CPXM2: variants seen among roughly 807,000 people sequenced by gnomAD.
The protein encoded by CPXM2 is carboxypeptidase X, M14 family member 2, also known as inactive carboxypeptidase-like protein X2.
CPXM2 carries 66 observed loss-of-function variants against 86.1 expected under a neutral mutation model. The ratio of observed to expected loss-of-function variants is 0.77; its 90% CI spans 0.63 to 0.94. The LOEUF is 0.94. Ranked by LOEUF, CPXM2 falls within the 40% of genes least tolerant of loss-of-function variation. CPXM2 has a pLI of 0.00. For synonymous variants in CPXM2, 388 were observed against 400.2 expected (o/e 0.97, Z 0.36); for missense variants, 948 against 1,026.3 (o/e 0.92, Z 1.04).
upstream of CPXM2, among the ~76,000 whole-genome samples, chr10:123,940,968 G>C: frequency 6.6e-6 from 1 of 152,100 alleles, no homozygotes; most frequent in East Asian, 1.9e-4. Context: ...TCAGGAGATC[G>C]AGACCATCCT....
At chr10:123,840,782 G>C (rs1848370662) in intron 4 of CPXM2, among the ~76,000 whole-genome samples, 1 of 152,190 alleles carries the variant, frequency 6.6e-6, no homozygotes, top group Non-Finnish European at 1.5e-5. Context: ...GTCACTGCCT[G>C]ACAATTGTCA....
chr10:123,887,004 C>T (rs1386498987), intron 1 of CPXM2: 1 of 152,158 alleles, frequency 6.6e-6, no homozygotes, highest in East Asian at 1.9e-4. Context: ...AAACTGAGGA[C>T]CTGAGATTCA....
chr10:123,752,317 A>G, intron 13 of CPXM2: 1 of 984,900 alleles, frequency 1.0e-6, no homozygotes, highest in Non-Finnish European at 1.2e-6. Context: ...ATTCAGTGTG[A>G]AGCCTCATGG....
intron 7 of CPXM2, among the ~76,000 whole-genome samples, chr10:123,779,753 T>C (rs1293380777): frequency 6.6e-6 from 1 of 152,176 alleles, no homozygotes; most frequent in Non-Finnish European, 1.5e-5. Flanking sequence ...TCTAGAGTTA[T>C]TAGGAGGACT....
chr10:123,940,764 C>T (rs575562244), upstream of CPXM2, among the ~76,000 whole-genome samples: 11 of 152,312 alleles, frequency 7.2e-5, no homozygotes, highest in African/African-American at 2.4e-4. Context: ...CGGTGGGGCC[C>T]TCAAAGCCAC....
At chr10:123,792,537 G>A (rs1181328704) in intron 6 of CPXM2, among the ~76,000 whole-genome samples, 2 of 152,138 alleles carry the variant, frequency 1.3e-5, no homozygotes, top group African/African-American at 2.4e-5. Context: ...AGGAAGCCAG[G>A]GGACAGCAGA....
intron 7 of CPXM2, among the ~76,000 whole-genome samples, chr10:123,776,391 C>T (rs1309494525): frequency 2.6e-5 from 4 of 152,228 alleles, no homozygotes; most frequent in East Asian, 1.9e-4. Flanking sequence ...TCTACTGAAT[C>T]CCAGGCTCTG....
intron 2 of CPXM2, among the ~76,000 whole-genome samples, chr10:123,929,060 A>G (rs926129370): frequency 2.6e-5 from 4 of 152,190 alleles, no homozygotes; most frequent in Non-Finnish European, 5.9e-5. Flanking sequence ...AGGACAGGGA[A>G]TCCTGGAGAA....
chr10:123,926,017 TAGA>T (rs1945619465), intron 2 of CPXM2, among the ~76,000 whole-genome samples: 2 of 152,256 alleles, frequency 1.3e-5, no homozygotes, highest in African/African-American at 4.8e-5. Context: ...ATCTCAGGGC[TAGA>T]AGGACTTCCA....
At chr10:123,802,209 C>T (rs1160632221) in intron 4 of CPXM2, among the ~76,000 whole-genome samples, 2 of 152,158 alleles carry the variant, frequency 1.3e-5, no homozygotes, top group East Asian at 1.9e-4. Context: ...TCTTGAAGTT[C>T]GCCAAGGGTG....
chr10:123,891,789 G>A lies in CPXM2; in HGVS notation c.-130C>T, dbSNP rs993942222. ...GCGGCGCGCTTGGGCGCGGGAGGCG[G>A]CCGGCTGGCTGCGCGTGTGACCGGC... is the stretch of plus-strand genomic sequence containing the variant. On this transcript the variant is annotated 5_prime_UTR_variant, in exon 1 of 14. Coordinates refer to ENST00000241305, the MANE Select transcript of CPXM2 (RefSeq NM_198148.3). This position sits in a 1 kb window ranked among gnomAD's most constrained non-coding sequence, Gnocchi z 5.6. 20 of 523,096 alleles carry A rather than the reference G, an allele frequency of 3.8e-5. No homozygotes were observed. Among genetic ancestry groups the A allele is most frequent in the African/African-American group, 2.0e-4 (10 of 48,904 alleles). 32.4% of individuals were successfully genotyped at this position (523,096 alleles called of 1,614,324 possible).
chr10:123,752,210 T>A (rs944547407), intron 13 of CPXM2: 1 of 985,276 alleles, frequency 1.0e-6, no homozygotes, highest in Non-Finnish European at 1.2e-6. Flanking sequence ...ATTCCAGCTA[T>A]GCAATCTACA....
At chr10:123,830,866 C>CTGTGTG in intron 4 of CPXM2, among the ~76,000 whole-genome samples, 1 of 97,922 alleles carries the variant, frequency 1.0e-5, no homozygotes, top group South Asian at 3.6e-4. Context: ...CTCTCTCTCT[C>CTGTGTG]TCTCTCTGTG....
chr10:123,791,695 C>T (rs7904183), intron 6 of CPXM2, among the ~76,000 whole-genome samples: 64,758 of 152,022 alleles, frequency 0.43, 14,590 homozygotes, highest in East Asian at 0.54. Flanking sequence ...TTGTAAAGAC[C>T]CTGTTTCTAA....
intron 2 of CPXM2, among the ~76,000 whole-genome samples, chr10:123,904,911 C>G (rs28679613): frequency 1.8e-5 from 1 of 55,220 alleles, no homozygotes; most frequent in Non-Finnish European, 3.6e-5. Flanking sequence ...AGCTCTGCAT[C>G]ACACCTGCAT....
At chr10:123,749,049 T>A (rs1225167112) in intron 13 of CPXM2, among the ~76,000 whole-genome samples, 1 of 152,208 alleles carries the variant, frequency 6.6e-6, no homozygotes, top group African/African-American at 2.4e-5. Context: ...TTGGTTTATC[T>A]GAATGGGCTG....
rs961517457 is a variant in CPXM2 at position 123,885,312 on chromosome 10, C to T, written c.305-5003G>A. On this transcript the variant is annotated intron_variant, in intron 1 of 13. Coordinates refer to ENST00000241305, the MANE Select transcript of CPXM2 (RefSeq NM_198148.3). The surrounding 1 kb of genome is among the most constrained non-coding windows in gnomAD (Gnocchi z 4.0). ...GGAGGCTGGAAGGCTGGGCATTGACCCCTCCAATCGTACACCTCCTCCAAA... is the reference window on the plus strand; with the variant it reads ...GGAGGCTGGAAGGCTGGGCATTGACTCCTCCAATCGTACACCTCCTCCAAA... Among the ~76,000 whole-genome samples the T allele has an allele frequency of 6.6e-6, 1 of 152,102 alleles. No homozygotes were observed. Among genetic ancestry groups the T allele is most frequent in the Non-Finnish European group, 1.5e-5 (1 of 68,018 alleles).
rs1450205451 is a variant in CPXM2 at position 123,745,914 on chromosome 10, G to A, written c.*850C>T. 3.3e-5 allele frequency: 5 copies of A among 151,964 alleles called. No homozygotes were observed. Among genetic ancestry groups the A allele is most frequent in the East Asian group, 2.0e-4 (1 of 5,092 alleles). The allele number at this position is 151,964 out of a possible 1,614,324, so 9.4% of individuals were successfully genotyped here. A position where few individuals can be genotyped will look rare whatever the true frequency, so the allele number is the denominator to read the frequency against. On this transcript the variant is annotated 3_prime_UTR_variant, in exon 14 of 14. Coordinates refer to ENST00000241305, the MANE Select transcript of CPXM2 (RefSeq NM_198148.3). ...GGGCAATACCTCAAGCAGAGAGAGG[G>A]CTTCAGGCCACCCCACTTCTGGCTC...
intron 2 of CPXM2, among the ~76,000 whole-genome samples, chr10:123,872,511 G>A (rs1437764284): frequency 2.0e-5 from 3 of 152,146 alleles, no homozygotes; most frequent in African/African-American, 7.2e-5. Context: ...TTGAGGAGAA[G>A]CAGGAGTAAT....
Sources: allele counts gnomAD v4.1 joint callset (sites outside exome capture counted in the v4.1 genomes callset), GRCh38; gene constraint gnomAD v4.1.1; non-coding constraint Gnocchi (gnomAD v3.1); transcripts MANE v1.5; gene names NCBI Gene and HGNC (gene_info 2026-07-23, HGNC 2026-07-21).